The following TMEM209 variants were observed in gnomAD, a reference collection of about 807,000 sequenced individuals.
TMEM209 encodes the protein transmembrane protein 209, also known as testicular tissue protein Li 202.
A neutral mutation model predicts 76.2 loss-of-function variants in TMEM209; 65 were observed. The ratio of observed to expected loss-of-function variants is 0.85; its 90% CI spans 0.70 to 1.05. The LOEUF (loss-of-function observed/expected upper bound fraction) is 1.05, where lower values mean the gene tolerates loss of function less well. Among genes scored for constraint, TMEM209 ranks in the 50% least tolerant of loss-of-function variants. The pLI is 0.00. For missense variants in TMEM209, 623 were observed against 685.5 expected, an observed-to-expected ratio of 0.91 and a Z score of 1.02; for synonymous variants, 239 against 237.6, an observed-to-expected ratio of 1.01 and a Z score of -0.06.
At chr7:130,205,006 G>C (rs935676839) in intron 1 of TMEM209, 5 of 1,185,548 alleles carry the variant, frequency 4.2e-6, no homozygotes, top group Non-Finnish European at 5.3e-6. Context: ...GGAGAGAGGG[G>C]AAAACGTGCA....
intron 8 of TMEM209, among the ~76,000 whole-genome samples, chr7:130,183,043 AG>A (rs1797476753): frequency 6.6e-6 from 1 of 152,240 alleles, no homozygotes; most frequent in Non-Finnish European, 1.5e-5. Flanking sequence ...TAAATTTTAT[AG>A]CACATGGTCA....
chr7:130,201,700 ATAT>A (rs1798206734), intron 5 of TMEM209, 147 bp downstream of exon 5: 3 of 957,912 alleles, frequency 3.1e-6, no homozygotes, highest in Non-Finnish European at 4.5e-6. Context: ...TGTGTTTAAG[ATAT>A]TATGTTCTAT....
chr7:130,166,444 T>A lies in TMEM209; in HGVS notation c.*7A>T. ...AGTCTAAATGTCAGAATTAAATATA[T>A]GACTTGCTACTCGCCAAAGATCCAC... On this transcript the variant is annotated 3_prime_UTR_variant, in exon 15 of 15. Coordinates refer to ENST00000397622, the MANE Select transcript of TMEM209 (RefSeq NM_032842.4). 6.5e-7 allele frequency: 1 copy of A among 1,544,476 alleles called. No homozygotes were observed. The highest frequency in any genetic ancestry group is 1.2e-5 in the South Asian group (1 of 82,514).
intron 6 of TMEM209, among the ~76,000 whole-genome samples, chr7:130,187,447 T>C (rs1797640104): frequency 2.0e-5 from 3 of 152,058 alleles, no homozygotes; most frequent in Admixed American, 6.6e-5. Context: ...CTTGGATTCA[T>C]TGCCCAAGTG....
intron 9 of TMEM209, 46 bp downstream of exon 9, chr7:130,181,577 T>C: frequency 2.0e-6 from 3 of 1,526,906 alleles, no homozygotes; most frequent in Non-Finnish European, 2.7e-6. Context: ...TTCCACTTGG[T>C]AGATTTACTA....
intron 14 of TMEM209, among the ~76,000 whole-genome samples, chr7:130,168,019 G>A (rs1295859231): frequency 6.6e-6 from 1 of 151,990 alleles, no homozygotes; most frequent in Non-Finnish European, 1.5e-5. Context: ...TTTAAAAATT[G>A]TATCAATTTC....
chr7:130,175,859 G>A (rs1191027057), intron 10 of TMEM209, among the ~76,000 whole-genome samples: 3 of 152,012 alleles, frequency 2.0e-5, no homozygotes, highest in Admixed American at 6.6e-5. Flanking sequence ...GAGTTGATGG[G>A]TAGGGAAAAT....
chr7:130,192,636 T>C lies in TMEM209; in HGVS notation c.761A>G (p.His254Arg), dbSNP rs528889989. ...TATATATGTACCCAGCTTAACCCTA[T>C]GCTGTTTCTCCTCTTCACTTCTGAG... Reference protein sequence around the residue: ...TFLRSEEEKQHRVKLGSPDST... With the variant: ...TFLRSEEEKQRRVKLGSPDST... The change falls in exon 6 of 15, where the codon CAT becomes CGT. Residue 254 changes from histidine to arginine, a missense_variant. Coordinates refer to ENST00000397622, the MANE Select transcript of TMEM209 (RefSeq NM_032842.4). 16 of 1,613,632 alleles carry C rather than the reference T, an allele frequency of 9.9e-6. No individual in the cohort carries two copies. The Admixed American group carries it at 1.5e-4, about 15-fold the overall frequency.
In TMEM209 at chr7:130,164,818, A is replaced by G. The variant is rs982017638; in HGVS notation, c.*1633T>C. ...AGACATCTTCAGTAACTTTTGAAAT[A>G]GCAAATTTAAATTTTAACATGTTCT... On this transcript the variant is annotated 3_prime_UTR_variant, in exon 15 of 15. Transcript: ENST00000397622. 2 of 152,210 alleles carry G rather than the reference A, an allele frequency of 1.3e-5. No homozygotes were observed. The highest frequency in any genetic ancestry group is 2.4e-5 in the African/African-American group (1 of 41,472). 9.4% of individuals were successfully genotyped at this position (152,210 alleles called of 1,614,324 possible). A position where few individuals can be genotyped will look rare whatever the true frequency, so the allele number is the denominator to read the frequency against.
At chr7:130,175,663 A>C in intron 10 of TMEM209, 54 bp from the exon 11 acceptor site, 1 of 1,371,172 alleles carries the variant, frequency 7.3e-7, no homozygotes, top group South Asian at 1.4e-5. Context: ...AAAAGAAAAG[A>C]AAAAAAAAGC....
chr7:130,173,904 G>A lies in TMEM209; in HGVS notation c.1380C>T (p.Ser460=), dbSNP rs770569321. Residue 460 remains serine, a synonymous_variant, in exon 12 of 15, where the codon TCC becomes TCT. Transcript: ENST00000397622. The part of the protein sequence containing the change: ...IMHVFCTYLD[S]RLPPHPKYPD... ...GATACTTCGGATGTGGAGGTAATCT[G>A]GAATCAAGGTAGGTGCAAAATACAT... 25 of 1,613,702 alleles carry A rather than the reference G, an allele frequency of 1.5e-5. No homozygotes were observed. The South Asian group carries it at 2.6e-4, about 17-fold the overall frequency.
At chr7:130,205,133 G>A (rs572208017) in intron 1 of TMEM209, 12 of 1,454,704 alleles carry the variant, frequency 8.2e-6, no homozygotes, top group East Asian at 7.5e-5. Context: ...AGAGGACAGA[G>A]CAATAGCTTT....
At chr7:130,167,336 A>G (rs1211102207) in intron 14 of TMEM209, among the ~76,000 whole-genome samples, 1 of 152,130 alleles carries the variant, frequency 6.6e-6, no homozygotes, top group Non-Finnish European at 1.5e-5. Context: ...ATTTTTATCA[A>G]CTGTATTTTC....
At chr7:130,186,510 TAATA>T (rs1797602384) in intron 6 of TMEM209, among the ~76,000 whole-genome samples, 1 of 152,176 alleles carries the variant, frequency 6.6e-6, no homozygotes, top group Non-Finnish European at 1.5e-5. Context: ...ATAAATGATT[TAATA>T]AATAGAGAAC....
At chr7:130,174,592 A>C (rs1297582142) in intron 11 of TMEM209, among the ~76,000 whole-genome samples, 1 of 152,186 alleles carries the variant, frequency 6.6e-6, no homozygotes, top group African/African-American at 2.4e-5. Context: ...TCAACATAAA[A>C]CTTAATTTTC....
Position 130,194,776 on chromosome 7 carries a change from G to A in TMEM209, c.574-1953C>T, listed in dbSNP as rs114458117. Among the ~76,000 whole-genome samples the A allele has an allele frequency of 3.7e-3, 556 of 152,014 alleles. 4 individuals carry two copies. Among genetic ancestry groups the A allele is most frequent in the African/African-American group, 0.013 (542 of 41,468 alleles). ...TGAACACTTAAAAAATACAATTACT[G>A]GTCACTTGGATTACTTATTTTATTT... On this transcript the variant is annotated intron_variant, in intron 5 of 14. Coordinates refer to ENST00000397622, the MANE Select transcript of TMEM209 (RefSeq NM_032842.4).
intron 8 of TMEM209, among the ~76,000 whole-genome samples, chr7:130,183,546 T>C (rs972593296): frequency 1.3e-5 from 2 of 152,198 alleles, no homozygotes; most frequent in African/African-American, 4.8e-5. Context: ...TGGATGAATG[T>C]TGAAGGATGA....
chr7:130,174,130 A>G (rs1797164398), intron 11 of TMEM209, among the ~76,000 whole-genome samples, 191 bp from the exon 12 acceptor site: 1 of 152,210 alleles, frequency 6.6e-6, no homozygotes, highest in Non-Finnish European at 1.5e-5. Context: ...ATAAAAACAC[A>G]TAGTTCAGGT....
rs1274309356 is a variant in TMEM209 at position 130,181,700 on chromosome 7, A to G, written c.1043T>C (p.Leu348Ser). 12 of 1,609,874 alleles carry G rather than the reference A, an allele frequency of 7.5e-6. No individual in the cohort carries two copies. The highest frequency in any genetic ancestry group is 2.7e-5 in the African/African-American group (2 of 74,928). The change falls in exon 9 of 15, where the codon TTA becomes TCA. Residue 348 changes from leucine (L) to serine (S), a missense_variant. Coordinates refer to ENST00000397622, the MANE Select transcript of TMEM209 (RefSeq NM_032842.4). ...CTCAATCTCTTGAACAAGTGGCACT[A>G]ATATTGTCTCATTGATCCACTAGAA... is the stretch of plus-strand genomic sequence containing the variant. ...KFRNWINETI[L>S]VPLVQEIESV...
Sources: allele counts gnomAD v4.1 joint callset (sites outside exome capture counted in the v4.1 genomes callset), GRCh38; gene constraint gnomAD v4.1.1; transcripts MANE v1.5; gene names NCBI Gene and HGNC (gene_info 2026-07-23, HGNC 2026-07-21).